SAMD5: variants seen among roughly 807,000 people sequenced by gnomAD.
The protein encoded by SAMD5 is sterile alpha motif domain-containing protein 5.
SAMD5 carries 13 observed loss-of-function variants against 11.3 expected under a neutral mutation model. The ratio of observed to expected loss-of-function variants is 1.15; its 90% CI spans 0.75 to 1.83. The LOEUF is 1.83. SAMD5 is among the 40% of genes most tolerant of loss of function. The pLI, the probability that SAMD5 is intolerant of heterozygous loss-of-function variation, is 0.00. For synonymous variants in SAMD5, 129 were observed against 111.3 expected (o/e 1.16, Z -1.00); for missense variants, 255 against 239.1 (o/e 1.07, Z -0.44).
the SAMD5 span, among the ~76,000 whole-genome samples, chr6:147,872,510 T>C: frequency 6.6e-6 from 1 of 152,206 alleles, no homozygotes; most frequent in Admixed American, 6.5e-5. Flanking sequence ...GTTATTATCC[T>C]CATTTTACAA....
chr6:147,691,746 C>T (rs1791106554), intron 1 of SAMD5, among the ~76,000 whole-genome samples: 1 of 152,114 alleles, frequency 6.6e-6, no homozygotes, highest in Non-Finnish European at 1.5e-5. Flanking sequence ...ATTTGAGACT[C>T]TTTTATTATT....
intron 1 of SAMD5, among the ~76,000 whole-genome samples, chr6:147,562,978 G>A (rs1788978200): frequency 6.6e-6 from 1 of 152,170 alleles, no homozygotes; most frequent in Non-Finnish European, 1.5e-5. Flanking sequence ...CTTTTTCGCA[G>A]TTTATAACAA....
chr6:147,642,041 A>G (rs1197342981), intron 1 of SAMD5, among the ~76,000 whole-genome samples: 2 of 152,224 alleles, frequency 1.3e-5, no homozygotes, highest in Non-Finnish European at 2.9e-5. Context: ...GTAATGAATT[A>G]TACCTTTTGT....
intron 1 of SAMD5, among the ~76,000 whole-genome samples, chr6:147,633,739 T>G (rs1260727575): frequency 6.6e-6 from 1 of 151,752 alleles, no homozygotes; most frequent in Non-Finnish European, 1.5e-5. Context: ...TGATGCCTAT[T>G]CTCCTTCCTC....
the SAMD5 span, among the ~76,000 whole-genome samples, chr6:147,900,719 G>A: frequency 1.3e-5 from 2 of 152,196 alleles, no homozygotes; most frequent in Non-Finnish European, 2.9e-5. Flanking sequence ...TTCAAACACA[G>A]CAGGCCATCC....
chr6:147,559,251 G>A (rs1562320458), intron 1 of SAMD5, among the ~76,000 whole-genome samples: 2 of 152,192 alleles, frequency 1.3e-5, no homozygotes, highest in African/African-American at 2.4e-5. Flanking sequence ...TCTCAGAAGC[G>A]TCAGTGATGA....
the SAMD5 span, among the ~76,000 whole-genome samples, chr6:147,885,902 T>A: frequency 4.6e-5 from 7 of 152,192 alleles, no homozygotes; most frequent in East Asian, 1.3e-3. Flanking sequence ...CATGGGAAAA[T>A]TCTACCATAT....
intron 1 of SAMD5, among the ~76,000 whole-genome samples, chr6:147,597,844 G>T (rs762765116): frequency 6.6e-5 from 10 of 152,140 alleles, no homozygotes; most frequent in Admixed American, 6.5e-4. Flanking sequence ...CTTACAGGGT[G>T]ACTTCTTCCT....
chr6:147,629,344 G>A (rs1053836314), intron 1 of SAMD5, among the ~76,000 whole-genome samples: 1 of 151,920 alleles, frequency 6.6e-6, no homozygotes, highest in South Asian at 2.1e-4. Flanking sequence ...TGAATATGAA[G>A]CTAGGGGAAA....
At chr6:147,517,397 T>C (rs1788187259) in intron 1 of SAMD5, among the ~76,000 whole-genome samples, 1 of 152,182 alleles carries the variant, frequency 6.6e-6, no homozygotes, top group Non-Finnish European at 1.5e-5. Context: ...CTTCTGTACC[T>C]GGGTTTGCTT....
chr6:147,840,412 A>C, the SAMD5 span, among the ~76,000 whole-genome samples: 1 of 152,362 alleles, frequency 6.6e-6, no homozygotes, highest in East Asian at 1.9e-4. Context: ...CAGAGGTTCA[A>C]AAATGCATGT....
At chr6:147,827,794 A>AT in the SAMD5 span, among the ~76,000 whole-genome samples, 11,073 of 146,096 alleles carry the variant, frequency 0.076, 581 homozygotes, top group African/African-American at 0.16. Context: ...CTAACATGAC[A>AT]TTTTTTTTTT....
intron 1 of SAMD5, among the ~76,000 whole-genome samples, chr6:147,551,067 G>A (rs144617598): frequency 1.3e-5 from 2 of 152,310 alleles, no homozygotes; most frequent in East Asian, 1.9e-4. Flanking sequence ...GGTTGGGATA[G>A]CTGTCATTCT....
At chr6:147,896,850 A>G in the SAMD5 span, among the ~76,000 whole-genome samples, 1 of 151,912 alleles carries the variant, frequency 6.6e-6, no homozygotes. Flanking sequence ...CCAATATTGA[A>G]GTATTGACCC....
intron 1 of SAMD5, among the ~76,000 whole-genome samples, chr6:147,510,401 G>A (rs1788070701): frequency 6.6e-6 from 1 of 152,188 alleles, no homozygotes; most frequent in Admixed American, 6.5e-5. Flanking sequence ...GTAACGCTCA[G>A]GATTGCAGAA....
rs1446045032 is a variant in SAMD5, at chr6:147,673,006, A to G, written c.163-64311A>G. Reference sequence around the variant, plus strand: ...TGATAGCTTTAATTCTTCTCTTTCTACAATTATGCTACTCTTACCTTTTTC... The same window carrying G: ...TGATAGCTTTAATTCTTCTCTTTCTGCAATTATGCTACTCTTACCTTTTTC... On this transcript the variant is annotated intron_variant, in intron 1 of 1. Coordinates refer to the SAMD5 transcript ENST00000566741. Among the ~76,000 whole-genome samples, 4 of 152,108 alleles carry G rather than the reference A, an allele frequency of 2.6e-5. 1 individual carries two copies. Among genetic ancestry groups the G allele is most frequent in the African/African-American group, 9.7e-5 (4 of 41,430 alleles).
intron 1 of SAMD5, among the ~76,000 whole-genome samples, chr6:147,714,832 C>T (rs1297524296): frequency 2.0e-5 from 3 of 152,206 alleles, no homozygotes; most frequent in African/African-American, 4.8e-5. Flanking sequence ...CTTTGAGTAA[C>T]GCAATCTGTG....
chr6:147,514,607 AG>A (rs1485894286), intron 1 of SAMD5, among the ~76,000 whole-genome samples: 2 of 152,162 alleles, frequency 1.3e-5, no homozygotes, highest in Middle Eastern at 3.4e-3. Context: ...GGGTTGTGGC[AG>A]ATGTGAAGGG....
intron 1 of SAMD5, among the ~76,000 whole-genome samples, chr6:147,601,576 C>T (rs534956039): frequency 3.0e-4 from 45 of 152,244 alleles, no homozygotes; most frequent in Middle Eastern, 6.8e-3. Context: ...ACCTTCCCAA[C>T]GGAACACACG....
Sources: gnomAD v4.1 joint callset for allele counts (sites outside exome capture counted in the v4.1 genomes callset) on GRCh38, gnomAD v4.1.1 for gene constraint, MANE v1.5 for transcripts, NCBI Gene and HGNC (gene_info 2026-07-23, HGNC 2026-07-21) for gene names.